PCGF5: variants seen among roughly 807,000 people sequenced by gnomAD.
PCGF5 encodes the protein polycomb group RING finger protein 5.
A neutral mutation model predicts 44.3 loss-of-function variants in PCGF5; 9 were observed. The ratio of observed to expected loss-of-function variants is 0.20; its 90% confidence interval spans 0.12 to 0.35. The LOEUF (loss-of-function observed/expected upper bound fraction) is 0.35, where lower values mean the gene tolerates loss of function less well. PCGF5 is among the 10% of genes least tolerant of loss of function. The pLI is 1.00. For missense variants in PCGF5, 146 were observed against 305.3 expected (o/e 0.48, Z 3.89); for synonymous variants, 95 against 102.5 (o/e 0.93, Z 0.44).
At chr10:91,217,661 T>C (rs754857835), upstream of PCGF5, among the ~76,000 whole-genome samples, 1 of 152,212 alleles carries the variant, frequency 6.6e-6, no homozygotes, top group Non-Finnish European at 1.5e-5. Context: ...GGATTATGCT[T>C]CTTTGATAGG....
At chr10:91,187,485 G>A (rs963828414) in intron 1 of PCGF5, among the ~76,000 whole-genome samples, 5 of 151,900 alleles carry the variant, frequency 3.3e-5, no homozygotes, top group Admixed American at 6.6e-5. Context: ...CGCTATCAGA[G>A]AAGCACACCT....
intron 1 of PCGF5, among the ~76,000 whole-genome samples, chr10:91,186,922 C>A (rs1298936388): frequency 6.6e-6 from 1 of 152,196 alleles, no homozygotes; most frequent in Non-Finnish European, 1.5e-5. Context: ...AACTTGCCCA[C>A]ACAATGCAAG....
At chr10:91,234,471 T>C (rs1845096800) in intron 2 of PCGF5, among the ~76,000 whole-genome samples, 1 of 152,164 alleles carries the variant, frequency 6.6e-6, no homozygotes. Flanking sequence ...ATTTCATACT[T>C]GAGTTGCAAG....
At chr10:91,161,945 G>C (rs1333106335), upstream of PCGF5, among the ~76,000 whole-genome samples, 2 of 151,946 alleles carry the variant, frequency 1.3e-5, no homozygotes, top group Admixed American at 6.6e-5. Context: ...CTGACCCCCA[G>C]GTCAGAATGA....
chr10:91,215,405 G>C (rs1396104975), upstream of PCGF5, among the ~76,000 whole-genome samples: 1 of 152,192 alleles, frequency 6.6e-6, no homozygotes, highest in Non-Finnish European at 1.5e-5. Flanking sequence ...CATCCAAAAA[G>C]CTAGAAAAGG....
At chr10:91,226,569 A>T (rs184033189) in intron 2 of PCGF5, among the ~76,000 whole-genome samples, 1 of 152,174 alleles carries the variant, frequency 6.6e-6, no homozygotes, top group Non-Finnish European at 1.5e-5. Context: ...CTTCTTTCAG[A>T]TGACTATGCA....
Position 91,281,854 on chromosome 10 carries a change from T to C in PCGF5, c.*3538T>C, listed in dbSNP as rs1249014459. On this transcript the variant is annotated 3_prime_UTR_variant, in exon 10 of 10. Coordinates refer to ENST00000336126, the MANE Select transcript of PCGF5 (RefSeq NM_032373.5). ...TTTTTCAGCATCATCTAACAGATCT[T>C]AGTAAATCTAAATCCTCAAAGATGA... 6.6e-6 allele frequency: 1 copy of C among 152,214 alleles called. No homozygotes were observed. Among genetic ancestry groups the C allele is most frequent in the Non-Finnish European group, 1.5e-5 (1 of 68,028 alleles). 9.4% of individuals were successfully genotyped at this position (152,214 alleles called of 1,614,324 possible).
At chr10:91,260,311 CAG>C (rs916370946) in intron 6 of PCGF5, among the ~76,000 whole-genome samples, 6 of 152,154 alleles carry the variant, frequency 3.9e-5, no homozygotes, top group African/African-American at 1.4e-4. Flanking sequence ...CAGGAAACAA[CAG>C]GTGCTGGAGA....
intron 3 of PCGF5, among the ~76,000 whole-genome samples, chr10:91,247,478 T>A (rs1845496080): frequency 6.6e-6 from 1 of 151,934 alleles, no homozygotes; most frequent in African/African-American, 2.4e-5. Context: ...TGAAAAGAGT[T>A]AATGAGTTGA....
rs562526557 is a variant in PCGF5, at chr10:91,182,887, C to G, written c.-184+19806C>G. Among the ~76,000 whole-genome samples, 11 of 152,288 alleles carry G rather than the reference C, an allele frequency of 7.2e-5. No individual in the cohort carries two copies. The East Asian group carries it at 2.1e-3, about 29-fold the overall frequency. The stretch of plus-strand genomic sequence containing the variant: ...TTTCATTATTTACTCCAAAGTAATT[C>G]AGGAGCAGGTTATTCAATTTCCATG... On this transcript the variant is annotated intron_variant, in intron 1 of 9. Transcript: ENST00000614189.
intron 3 of PCGF5, among the ~76,000 whole-genome samples, chr10:91,244,399 G>T (rs1382038581): frequency 4.6e-5 from 7 of 152,158 alleles, no homozygotes; most frequent in African/African-American, 1.7e-4. Context: ...GACCTGGGCG[G>T]CTGGGGAACA....
upstream of PCGF5, among the ~76,000 whole-genome samples, chr10:91,158,429 G>T (rs1843344913): frequency 1.3e-5 from 2 of 152,186 alleles, no homozygotes; most frequent in Admixed American, 1.3e-4. Context: ...AGATTTGAAG[G>T]GGGAGGAGGA....
intron 1 of PCGF5, among the ~76,000 whole-genome samples, chr10:91,164,520 C>G (rs1190114454): frequency 6.6e-6 from 1 of 152,190 alleles, no homozygotes; most frequent in Non-Finnish European, 1.5e-5. Context: ...TTGCGTCTAC[C>G]TAACTGGTTC....
chr10:91,221,177 A>AAGG (rs1487514451), intron 1 of PCGF5, among the ~76,000 whole-genome samples: 1 of 152,080 alleles, frequency 6.6e-6, no homozygotes, highest in Non-Finnish European at 1.5e-5. Flanking sequence ...CTGCCGGAGA[A>AAGG]CGCAGAAAAG....
intron 9 of PCGF5, among the ~76,000 whole-genome samples, chr10:91,276,073 C>A: frequency 6.7e-6 from 1 of 148,260 alleles, no homozygotes. Flanking sequence ...TTAAATGAAA[C>A]TAAATAATAT....
chr10:91,217,843 A>G (rs1404245071), upstream of PCGF5, among the ~76,000 whole-genome samples: 1 of 152,098 alleles, frequency 6.6e-6, no homozygotes, highest in African/African-American at 2.4e-5. Context: ...CTAGAGTGCA[A>G]TGGCGCGATC....
chr10:91,250,501 T>C (rs951443913), intron 5 of PCGF5, among the ~76,000 whole-genome samples: 1 of 150,674 alleles, frequency 6.6e-6, no homozygotes, highest in African/African-American at 2.4e-5. Context: ...TTTTTTCTTT[T>C]TTTTTTTTTT....
intron 3 of PCGF5, among the ~76,000 whole-genome samples, chr10:91,245,599 A>T (rs1379635435): frequency 6.6e-6 from 1 of 152,146 alleles, no homozygotes; most frequent in Non-Finnish European, 1.5e-5. Context: ...AAAGTTAATC[A>T]TGTGGGAGAG....
At chr10:91,250,969 G>T (rs975141292) in intron 5 of PCGF5, among the ~76,000 whole-genome samples, 1 of 151,394 alleles carries the variant, frequency 6.6e-6, no homozygotes. Flanking sequence ...TATATATTCT[G>T]TCCACTTTCT....
Sources: allele counts gnomAD v4.1 joint callset (sites outside exome capture counted in the v4.1 genomes callset), GRCh38; gene constraint gnomAD v4.1.1; transcripts MANE v1.5; gene names NCBI Gene and HGNC (gene_info 2026-07-23, HGNC 2026-07-21).